CNNM2: variants seen among roughly 807,000 people sequenced by gnomAD.
CNNM2 encodes the protein cyclin and CBS domain divalent metal cation transport mediator 2.
In CNNM2, 12 loss-of-function variants were observed where a neutral mutation model predicts 66.9. The ratio of observed to expected loss-of-function variants is 0.18; its 90% CI spans 0.11 to 0.29. The LOEUF (loss-of-function observed/expected upper bound fraction) is 0.29, where lower values mean the gene tolerates loss of function less well. CNNM2 is among the 10% of genes least tolerant of loss of function. The probability of loss-of-function intolerance (pLI) is 1.00; values close to 1 mark genes in which losing one functional copy is unlikely to be tolerated. For synonymous variants in CNNM2, 557 were observed against 501.8 expected (o/e 1.11, Z -1.47); for missense variants, 705 against 1,167.7 (o/e 0.60, Z 5.77).
At chr10:102,991,525 C>G (rs907789443) in intron 1 of CNNM2, among the ~76,000 whole-genome samples, 2 of 152,136 alleles carry the variant, frequency 1.3e-5, no homozygotes, top group African/African-American at 4.8e-5. Flanking sequence ...CAGTGCTCTC[C>G]TGCTTTTTCA....
In CNNM2 at chr10:103,076,177, G is replaced by A. The variant is rs2065687145; in HGVS notation, c.2325G>A (p.Leu775=). The change falls in exon 7 of 8, where the codon CTG becomes CTA. Residue 775 remains leucine (L), a synonymous_variant. Transcript: ENST00000369878. ...SDRIDAVTPT[L]GSSNNQLNSS... ...GGATTGACGCCGTCACACCAACACT[G>A]GGGAGCAGCAATAACCAGCTCAATT... is the stretch of plus-strand genomic sequence containing the variant. 2 of 1,604,242 alleles carry A rather than the reference G, an allele frequency of 1.2e-6. No homozygotes were observed. The highest frequency in any genetic ancestry group is 2.2e-5 in the East Asian group (1 of 44,530).
At chr10:102,923,087 G>A (rs1172853490) in intron 1 of CNNM2, among the ~76,000 whole-genome samples, 5 of 152,060 alleles carry the variant, frequency 3.3e-5, no homozygotes, top group Non-Finnish European at 7.4e-5. Flanking sequence ...GGGAAGAAAA[G>A]CCACCTTTAT....
intron 1 of CNNM2, among the ~76,000 whole-genome samples, chr10:102,935,678 C>T (rs1846212668): frequency 6.7e-6 from 1 of 148,298 alleles, no homozygotes; most frequent in South Asian, 2.1e-4. Context: ...ACAATCACAG[C>T]TCACTGCAGC....
At position 103,089,774 on chromosome 10, in the gene CNNM2, A is replaced by T. The variant is rs2134449617; in HGVS notation, c.*12594A>T. On this transcript the variant is annotated 3_prime_UTR_variant, in exon 8 of 8. Coordinates refer to ENST00000369878, the MANE Select transcript of CNNM2 (RefSeq NM_017649.5). ...AGAGGTTGGGAGGTTTAATCTCACT[A>T]ATTGACCGTGTCAGCTGGTGCCGCT... 6.2e-7 allele frequency: 1 copy of T among 1,613,928 alleles called. No individual in the cohort carries two copies. Among genetic ancestry groups the T allele is most frequent in the East Asian group, 2.2e-5 (1 of 44,866 alleles).
intron 2 of CNNM2, among the ~76,000 whole-genome samples, chr10:103,052,291 CAAAA>C (rs796393539): frequency 7.6e-6 from 1 of 131,194 alleles, no homozygotes; most frequent in African/African-American, 2.7e-5. Context: ...AAAAAAAAAA[CAAAA>C]AAAAAAAAAC....
At chr10:102,970,141 A>G (rs1382998242) in intron 1 of CNNM2, among the ~76,000 whole-genome samples, 1 of 152,184 alleles carries the variant, frequency 6.6e-6, no homozygotes, top group Admixed American at 6.5e-5. Flanking sequence ...TTATTTTTAA[A>G]TGGTCGAAAG....
chr10:103,039,468 G>A (rs911298829), intron 1 of CNNM2, among the ~76,000 whole-genome samples: 6 of 152,120 alleles, frequency 3.9e-5, no homozygotes, highest in Non-Finnish European at 8.8e-5. Context: ...ACAGTAGTCC[G>A]AAGACTTGCA....
At chr10:103,002,681 G>A (rs1413003810) in intron 1 of CNNM2, among the ~76,000 whole-genome samples, 3 of 152,086 alleles carry the variant, frequency 2.0e-5, no homozygotes, top group Non-Finnish European at 2.9e-5. Context: ...GTTTCTCCAT[G>A]TTGGTCAGAC....
At chr10:103,061,266 G>A (rs2065381880) in intron 4 of CNNM2, among the ~76,000 whole-genome samples, 1 of 152,020 alleles carries the variant, frequency 6.6e-6, no homozygotes, top group Non-Finnish European at 1.5e-5. Flanking sequence ...GTTGGTGTGC[G>A]CCTGTGGTCC....
chr10:103,060,164 T>C (rs2065359720), intron 4 of CNNM2, among the ~76,000 whole-genome samples: 1 of 151,820 alleles, frequency 6.6e-6, no homozygotes, highest in South Asian at 2.1e-4. Context: ...TCATAAAAAT[T>C]GATCATTTAT....
intron 1 of CNNM2, among the ~76,000 whole-genome samples, chr10:103,004,580 A>G (rs1194228459): frequency 6.6e-6 from 1 of 152,174 alleles, no homozygotes; most frequent in South Asian, 2.1e-4. Context: ...GAGAGTCTGC[A>G]TTTGTCAGGA....
In CNNM2 at chr10:103,088,815, A is replaced by C. The variant is rs2066026751; in HGVS notation, c.*11635A>C. The C allele has an allele frequency of 5.2e-6, 1 of 190,702 alleles. No individual in the cohort carries two copies. Among genetic ancestry groups the C allele is most frequent in the Non-Finnish European group, 1.1e-5 (1 of 90,978 alleles). The allele number at this position is 190,702 out of a possible 1,614,324, so 11.8% of individuals were successfully genotyped here. A position where few individuals can be genotyped will look rare whatever the true frequency, so the allele number is the denominator to read the frequency against. ...TTAATATACAGCAATCAACTCTTAG[A>C]GGACAAAGAAATCTGGAATTGGGTA... On this transcript the variant is annotated 3_prime_UTR_variant, in exon 8 of 8. Coordinates refer to ENST00000369878, the MANE Select transcript of CNNM2 (RefSeq NM_017649.5).
intron 3 of CNNM2, 87 bp from the exon 4 acceptor site, chr10:103,056,708 C>G: frequency 1.6e-6 from 2 of 1,268,996 alleles, no homozygotes; most frequent in Non-Finnish European, 2.2e-6. Context: ...TCCAAGTATT[C>G]TTATCTAAAC....
intron 1 of CNNM2, among the ~76,000 whole-genome samples, chr10:103,048,780 A>G (rs1471978878): frequency 6.6e-6 from 1 of 152,310 alleles, no homozygotes; most frequent in East Asian, 1.9e-4. Context: ...TTTTATGACA[A>G]TTCCCATGTT....
chr10:103,040,899 T>C (rs777662098), intron 1 of CNNM2, among the ~76,000 whole-genome samples: 7 of 152,206 alleles, frequency 4.6e-5, no homozygotes, highest in Non-Finnish European at 1.0e-4. Context: ...GACCCAGACC[T>C]GAACTAAGAT....
At chr10:103,074,243 G>T (rs994220227) in intron 6 of CNNM2, among the ~76,000 whole-genome samples, 2 of 152,050 alleles carry the variant, frequency 1.3e-5, no homozygotes, top group African/African-American at 2.4e-5. Context: ...GGCCAAGATC[G>T]CACCACTGCA....
At chr10:103,000,427 A>AT (rs1296766617) in intron 1 of CNNM2, among the ~76,000 whole-genome samples, 12 of 151,548 alleles carry the variant, frequency 7.9e-5, no homozygotes, top group Admixed American at 4.0e-4. Flanking sequence ...CACCCCTTTG[A>AT]TTTTTTTGTG....
At position 103,080,419 on chromosome 10, in the gene CNNM2, A is replaced by G. The variant is rs1197460160; in HGVS notation, c.*3239A>G. 2.6e-5 allele frequency: 4 copies of G among 152,238 alleles called. No individual in the cohort carries two copies. The highest frequency in any genetic ancestry group is 4.4e-5 in the Non-Finnish European group (3 of 68,046). 9.4% of individuals were successfully genotyped at this position (152,238 alleles called of 1,614,324 possible). ...AAATCATACATTTAAACTCTTAGGA[A>G]AACAAAATCTTAAGACTTACACAGA... On this transcript the variant is annotated 3_prime_UTR_variant, in exon 8 of 8. Transcript: ENST00000369878.
chr10:103,039,232 C>G (rs1222242121), intron 1 of CNNM2, among the ~76,000 whole-genome samples: 1 of 152,076 alleles, frequency 6.6e-6, no homozygotes, highest in African/African-American at 2.4e-5. Context: ...CAGCCTCTAC[C>G]TCCCAGATTC....
Sources: gnomAD v4.1 joint callset for allele counts (sites outside exome capture counted in the v4.1 genomes callset) on GRCh38, gnomAD v4.1.1 for gene constraint, MANE v1.5 for transcripts, NCBI Gene and HGNC (gene_info 2026-07-23, HGNC 2026-07-21) for gene names.